The following HS6ST3 variants were observed in gnomAD, a reference collection of about 807,000 sequenced individuals.
HS6ST3 encodes heparan-sulfate 6-O-sulfotransferase 3.
HS6ST3 carries 12 observed loss-of-function variants against 36.7 expected under a neutral mutation model. The ratio of observed to expected loss-of-function variants is 0.33; its 90% CI spans 0.21 to 0.53. The LOEUF (loss-of-function observed/expected upper bound fraction) is 0.53, where lower values mean the gene tolerates loss of function less well. Among genes scored for constraint, HS6ST3 ranks in the 20% least tolerant of loss-of-function variants. The pLI is 0.95. For missense variants in HS6ST3, 584 were observed against 640.9 expected (o/e 0.91, Z 0.96); for synonymous variants, 240 against 257.5 (o/e 0.93, Z 0.65).
chr13:96,473,522 T>C (rs1429686489), intron 1 of HS6ST3, among the ~76,000 whole-genome samples: 1 of 152,198 alleles, frequency 6.6e-6, no homozygotes, highest in Non-Finnish European at 1.5e-5. Flanking sequence ...ATCCTAAGTG[T>C]CTGGCATCGC....
chr13:96,662,203 C>G (rs140070140), intron 1 of HS6ST3, among the ~76,000 whole-genome samples: 88 of 152,198 alleles, frequency 5.8e-4, no homozygotes, highest in African/African-American at 1.6e-3. Flanking sequence ...AAACTTTTTC[C>G]TTTTTCTTCT....
intron 1 of HS6ST3, among the ~76,000 whole-genome samples, chr13:96,817,020 A>AGTGCCTTTT (rs1878435265): frequency 1.3e-5 from 2 of 152,136 alleles, no homozygotes; most frequent in Non-Finnish European, 2.9e-5. Flanking sequence ...TTGAATTCCA[A>AGTGCCTTTT]GTGCCTTTTG....
chr13:96,641,249 T>C (rs1594824879), intron 1 of HS6ST3, among the ~76,000 whole-genome samples: 1 of 152,086 alleles, frequency 6.6e-6, no homozygotes, highest in African/African-American at 2.4e-5. Flanking sequence ...GTTAGATGTA[T>C]TCCTAGGTAC....
intron 1 of HS6ST3, among the ~76,000 whole-genome samples, chr13:96,682,804 C>T (rs2056722866): frequency 6.6e-6 from 1 of 151,958 alleles, no homozygotes; most frequent in Non-Finnish European, 1.5e-5. Flanking sequence ...GGATTTTTCC[C>T]ATGTCTTTTG....
chr13:96,372,822 A>G (rs1041901235), intron 1 of HS6ST3, among the ~76,000 whole-genome samples: 1 of 152,074 alleles, frequency 6.6e-6, no homozygotes, highest in Non-Finnish European at 1.5e-5. Flanking sequence ...TGTGCTCTCT[A>G]TTGTATTTTA....
intron 1 of HS6ST3, among the ~76,000 whole-genome samples, chr13:96,306,993 G>A (rs1474489019): frequency 1.3e-5 from 2 of 152,148 alleles, no homozygotes; most frequent in African/African-American, 2.4e-5. Context: ...GATTCAGACA[G>A]CTCCATCAAT....
At chr13:96,683,156 C>A (rs907161812) in intron 1 of HS6ST3, among the ~76,000 whole-genome samples, 1 of 151,994 alleles carries the variant, frequency 6.6e-6, no homozygotes, top group African/African-American at 2.4e-5. Flanking sequence ...TATAATATAT[C>A]GCTTATGATA....
chr13:96,722,870 G>A (rs921997781), intron 1 of HS6ST3, among the ~76,000 whole-genome samples: 2 of 152,042 alleles, frequency 1.3e-5, no homozygotes, highest in Non-Finnish European at 2.9e-5. Flanking sequence ...CCAGCTACAC[G>A]GGAAGCGGAG....
chr13:96,636,770 G>C (rs1002324264), intron 1 of HS6ST3, among the ~76,000 whole-genome samples: 18 of 152,100 alleles, frequency 1.2e-4, no homozygotes, highest in African/African-American at 4.1e-4. Context: ...GTGGCATTTG[G>C]AAAATTGTGT....
intron 1 of HS6ST3, among the ~76,000 whole-genome samples, chr13:96,299,204 A>T (rs1350469507): frequency 6.6e-6 from 1 of 152,234 alleles, no homozygotes; most frequent in Non-Finnish European, 1.5e-5. Flanking sequence ...CAGTAACCAA[A>T]TAAAGCAACA....
chr13:96,730,574 A>G (rs1320837668), intron 1 of HS6ST3, among the ~76,000 whole-genome samples: 2 of 151,920 alleles, frequency 1.3e-5, no homozygotes, highest in African/African-American at 2.4e-5. Flanking sequence ...GTACAATGTG[A>G]TATTTTTTTT....
At chr13:96,538,733 C>T (rs2056165983) in intron 1 of HS6ST3, among the ~76,000 whole-genome samples, 1 of 152,212 alleles carries the variant, frequency 6.6e-6, no homozygotes, top group South Asian at 2.1e-4. Flanking sequence ...CGTGAGCCAC[C>T]ATGCCCAGCT....
chr13:96,715,562 C>T (rs1365011718), intron 1 of HS6ST3, among the ~76,000 whole-genome samples: 2 of 151,968 alleles, frequency 1.3e-5, no homozygotes, highest in South Asian at 2.1e-4. Flanking sequence ...TTAAAGTAGT[C>T]TCCTTAGACT....
At chr13:96,686,899 A>G (rs1874795906) in intron 1 of HS6ST3, among the ~76,000 whole-genome samples, 2 of 152,008 alleles carry the variant, frequency 1.3e-5, no homozygotes, top group South Asian at 4.1e-4. Flanking sequence ...GCTATTCCTC[A>G]TTGTGTACTC....
intron 1 of HS6ST3, among the ~76,000 whole-genome samples, chr13:96,705,595 T>C (rs1875399546): frequency 6.6e-6 from 1 of 152,158 alleles, no homozygotes; most frequent in Admixed American, 6.6e-5. Flanking sequence ...TATGGGCCCA[T>C]AGGGGAAACT....
At position 96,332,642 on chromosome 13, in the gene HS6ST3, CTCAATCTG is replaced by C. The variant is rs1320446533; in HGVS notation, c.707+241075_707+241082del. ...GGACATCTCATTTGAAAAAGTACTG[CTCAATCTG>C]TGAATCTTGAAGAATGCCACTATGA... On this transcript the variant is annotated intron_variant, in intron 1 of 1. Coordinates refer to ENST00000376705, the MANE Select transcript of HS6ST3 (RefSeq NM_153456.4). Among the ~76,000 whole-genome samples, 3 of 152,332 alleles carry C rather than the reference CTCAATCTG, an allele frequency of 2.0e-5. No individual in the cohort carries two copies. The East Asian group carries it at 5.8e-4, about 29-fold the overall frequency.
chr13:96,525,186 G>A (rs1267607352), intron 1 of HS6ST3, among the ~76,000 whole-genome samples: 2 of 152,094 alleles, frequency 1.3e-5, no homozygotes, highest in African/African-American at 4.8e-5. Context: ...CTGACACCTT[G>A]ACCTTCAACC....
intron 1 of HS6ST3, among the ~76,000 whole-genome samples, chr13:96,514,840 T>C (rs1190754625): frequency 6.6e-6 from 1 of 152,220 alleles, no homozygotes; most frequent in African/African-American, 2.4e-5. Context: ...ACTGTTTGAC[T>C]TTTGACAAGT....
intron 1 of HS6ST3, among the ~76,000 whole-genome samples, chr13:96,215,989 G>T (rs2054423970): frequency 6.6e-6 from 1 of 152,172 alleles, no homozygotes; most frequent in Non-Finnish European, 1.5e-5. Flanking sequence ...GTAGTGAAGA[G>T]CATGCTTCCA....
Sources: gnomAD v4.1 joint callset for allele counts (sites outside exome capture counted in the v4.1 genomes callset) on GRCh38, gnomAD v4.1.1 for gene constraint, MANE v1.5 for transcripts, NCBI Gene and HGNC (gene_info 2026-07-23, HGNC 2026-07-21) for gene names.